TMEM100: variants seen among roughly 807,000 people sequenced by gnomAD.
TMEM100 encodes transmembrane protein 100.
For synonymous variants in TMEM100, 61 were observed against 67.1 expected (o/e 0.91, Z 0.44); for missense variants, 137 against 168.2 (o/e 0.81, Z 1.02).
intron 1 of TMEM100, 30 bp from the exon 2 acceptor site, chr17:55,721,165 A>G: frequency 5.7e-6 from 8 of 1,393,206 alleles, no homozygotes; most frequent in Non-Finnish European, 6.8e-6. Context: ...TGTCAGCTAC[A>G]TGTATCAGAA....
intron 1 of TMEM100, among the ~76,000 whole-genome samples, chr17:55,729,737 C>T (rs1401908033): frequency 6.6e-6 from 1 of 151,968 alleles, no homozygotes; most frequent in Admixed American, 6.6e-5. Flanking sequence ...TTAAGTATTC[C>T]AATTTGAGAC....
rs780229217 is a variant in TMEM100, at chr17:55,720,654, T to C, written c.*12A>G. On this transcript the variant is annotated 3_prime_UTR_variant, in exon 2 of 2. Coordinates refer to ENST00000424486, the MANE Select transcript of TMEM100 (RefSeq NM_018286.3). ...TTTCCAGGCCCAATGGCCCATTTGGTCGTATTCAGTCTCAAGCAAACAAGC... is the reference window on the plus strand; with the variant it reads ...TTTCCAGGCCCAATGGCCCATTTGGCCGTATTCAGTCTCAAGCAAACAAGC... 20 of 1,584,956 alleles carry C rather than the reference T, an allele frequency of 1.3e-5. No homozygotes were observed. In the South Asian group the frequency reaches 1.9e-4, roughly 15 times the overall value.
chr17:55,724,066 A>C (rs920655663), upstream of TMEM100, among the ~76,000 whole-genome samples: 1 of 152,208 alleles, frequency 6.6e-6, no homozygotes, highest in Non-Finnish European at 1.5e-5. Flanking sequence ...AAGTGTTAAT[A>C]ACCTCTTCTA....
Position 55,721,076 on chromosome 17 carries a change from C to G in TMEM100, c.-6G>C. On this transcript the variant is annotated 5_prime_UTR_variant, in exon 2 of 2. Transcript: ENST00000424486. ...TTGATGGGCTCTTCAGTCATTTTTA[C>G]AACAGTGCTTCTAAGCTGGGTTTAC... 1 of 1,602,310 alleles carries G rather than the reference C, an allele frequency of 6.2e-7. No homozygotes were observed. Among genetic ancestry groups the G allele is most frequent in the Non-Finnish European group, 8.5e-7 (1 of 1,174,338 alleles).
rs1221975635 is a variant in TMEM100, at chr17:55,720,404, C to T, written c.*262G>A. 2.0e-6 allele frequency: 1 copy of T among 488,612 alleles called. No homozygotes were observed. The highest frequency in any genetic ancestry group is 3.6e-6 in the Non-Finnish European group (1 of 277,460). The allele number at this position is 488,612 out of a possible 1,614,324, so 30.3% of individuals were successfully genotyped here. On this transcript the variant is annotated 3_prime_UTR_variant, in exon 2 of 2. Transcript: ENST00000424486. Reference sequence around the variant, plus strand: ...GAACCAAATACTGTCTAATGCTGTGCACTCCCATGACCCCCAAAGTGTTTC... The same window carrying T: ...GAACCAAATACTGTCTAATGCTGTGTACTCCCATGACCCCCAAAGTGTTTC...
At chr17:55,722,287 T>G (rs758667078) in intron 1 of TMEM100, among the ~76,000 whole-genome samples, 7 of 152,248 alleles carry the variant, frequency 4.6e-5, no homozygotes, top group Admixed American at 6.5e-5. Context: ...AGAAAGATAC[T>G]TGAGACCATT....
rs1372203534 is a variant in TMEM100 at position 55,720,138 on chromosome 17, G to A, written c.*528C>T. 6.6e-6 allele frequency: 1 copy of A among 152,610 alleles called. No homozygotes were observed. Among genetic ancestry groups the A allele is most frequent in the Non-Finnish European group, 1.5e-5 (1 of 68,306 alleles). The allele number at this position is 152,610 out of a possible 1,614,324, so 9.5% of individuals were successfully genotyped here. On this transcript the variant is annotated 3_prime_UTR_variant, in exon 2 of 2. Coordinates refer to ENST00000424486, the MANE Select transcript of TMEM100 (RefSeq NM_018286.3). Reference sequence around the variant, plus strand: ...AAAAAATATTACTTTTCAAGATAAAGTACCACCAGTGATGAGTTATTAAAA... The same window carrying A: ...AAAAAATATTACTTTTCAAGATAAAATACCACCAGTGATGAGTTATTAAAA...
chr17:55,728,204 G>T (rs1023143378), intron 1 of TMEM100, among the ~76,000 whole-genome samples: 1 of 152,174 alleles, frequency 6.6e-6, no homozygotes, highest in African/African-American at 2.4e-5. Flanking sequence ...GGCAGAGCCA[G>T]GTTTCAAATC....
intron 1 of TMEM100, 118 bp downstream of exon 1, chr17:55,722,501 T>G (rs570028573): frequency 6.6e-6 from 1 of 152,296 alleles, no homozygotes; most frequent in South Asian, 2.1e-4. Flanking sequence ...CACCCTAACT[T>G]CTGGTGAGGC....
At chr17:55,724,942 G>A (rs1009212207), upstream of TMEM100, among the ~76,000 whole-genome samples, 8 of 152,092 alleles carry the variant, frequency 5.3e-5, no homozygotes, top group African/African-American at 1.9e-4. Context: ...TCCTCCACAG[G>A]GTGTGTGCAC....
chr17:55,721,277 G>A, intron 1 of TMEM100, 142 bp from the exon 2 acceptor site: 1 of 572,696 alleles, frequency 1.7e-6, no homozygotes, highest in Non-Finnish European at 2.9e-6. Context: ...TGAATTGGTT[G>A]CATTCTCTTT....
chr17:55,726,197 A>T (rs1166070032), upstream of TMEM100, among the ~76,000 whole-genome samples: 2 of 152,198 alleles, frequency 1.3e-5, no homozygotes, highest in Admixed American at 1.3e-4. Flanking sequence ...CCTTCCACCA[A>T]AGGCATTGTA....
chr17:55,725,508 C>T (rs1393656392), upstream of TMEM100, among the ~76,000 whole-genome samples: 1 of 152,154 alleles, frequency 6.6e-6, no homozygotes, highest in Non-Finnish European at 1.5e-5. Flanking sequence ...CAGAGTTAGA[C>T]TGAGACAGCT....
At chr17:55,723,995 C>T (rs1908994271), upstream of TMEM100, among the ~76,000 whole-genome samples, 1 of 152,160 alleles carries the variant, frequency 6.6e-6, no homozygotes, top group Admixed American at 6.5e-5. Context: ...AAAGATAATA[C>T]TGGGAGCTCA....
At chr17:55,722,302 T>A (rs1039674746) in intron 1 of TMEM100, among the ~76,000 whole-genome samples, 1 of 152,232 alleles carries the variant, frequency 6.6e-6, no homozygotes, top group Admixed American at 6.5e-5. Context: ...ACCATTTCAA[T>A]GAGATTCATA....
intron 1 of TMEM100, among the ~76,000 whole-genome samples, chr17:55,730,079 T>C (rs915071700): frequency 4.6e-5 from 7 of 152,186 alleles, no homozygotes; most frequent in African/African-American, 7.2e-5. Context: ...TACAGATTTA[T>C]TTTGGAATGT....
chr17:55,730,665 A>G (rs919864750), intron 1 of TMEM100, among the ~76,000 whole-genome samples: 1 of 152,212 alleles, frequency 6.6e-6, no homozygotes, highest in African/African-American at 2.4e-5. Flanking sequence ...AACTAGCTCA[A>G]CAAATCTTTT....
upstream of TMEM100, among the ~76,000 whole-genome samples, chr17:55,725,707 G>A (rs1345016805): frequency 4.1e-5 from 4 of 97,410 alleles, no homozygotes; most frequent in African/African-American, 4.1e-4. Flanking sequence ...ATATATGTGT[G>A]TGTGTGTGTG....
intron 1 of TMEM100, among the ~76,000 whole-genome samples, chr17:55,731,342 T>C (rs961999762): frequency 2.0e-5 from 3 of 152,188 alleles, no homozygotes; most frequent in Non-Finnish European, 4.4e-5. Flanking sequence ...AAAATGAACA[T>C]TTCTGACTCT....
Sources: gnomAD v4.1 joint callset for allele counts (sites outside exome capture counted in the v4.1 genomes callset) on GRCh38, gnomAD v4.1.1 for gene constraint, MANE v1.5 for transcripts, NCBI Gene and HGNC (gene_info 2026-07-23, HGNC 2026-07-21) for gene names.